The following NDST4 variants were observed in gnomAD, a reference collection of about 807,000 sequenced individuals.
NDST4 encodes N-deacetylase and N-sulfotransferase 4.
NDST4 carries 63 observed loss-of-function variants against 100.8 expected under a neutral mutation model. The observed-to-expected ratio is 0.62, with a 90% CI of 0.51 to 0.77. The LOEUF (loss-of-function observed/expected upper bound fraction) is 0.77, where lower values mean the gene tolerates loss of function less well. Ranked by LOEUF, NDST4 falls within the 30% of genes least tolerant of loss-of-function variation. The pLI is 0.00. For missense variants in NDST4, 943 were observed against 1,018.4 expected, an observed-to-expected ratio of 0.93 and a Z score of 1.01; for synonymous variants, 377 against 361.8, an observed-to-expected ratio of 1.04 and a Z score of -0.48.
chr4:114,994,848 TTAAC>T (rs1727125508), intron 2 of NDST4, among the ~76,000 whole-genome samples: 1 of 152,012 alleles, frequency 6.6e-6, no homozygotes, highest in African/African-American at 2.4e-5. Context: ...CTATTTATGA[TTAAC>T]TAACCAGAAA....
rs974262991 is a variant in NDST4, at chr4:114,969,179, T to C, written c.1221+1251A>G. 1.2e-4 allele frequency among the ~76,000 whole-genome samples: 18 copies of C among 151,220 alleles called. 1 individual carries two copies. In the South Asian group the frequency reaches 1.9e-3, roughly 16 times the overall value. The stretch of plus-strand genomic sequence containing the variant: ...ATACAAAAAAATTAGCCGGGCGTAG[T>C]GGCGGGCGCCTGTAGTCCCAGCTAC... On this transcript the variant is annotated intron_variant, in intron 4 of 13. Transcript: ENST00000264363.
chr4:115,056,055 T>C (rs1394920772), intron 2 of NDST4, among the ~76,000 whole-genome samples: 1 of 152,120 alleles, frequency 6.6e-6, no homozygotes, highest in Non-Finnish European at 1.5e-5. Flanking sequence ...GCATTATGAT[T>C]ATATTACACT....
intron 6 of NDST4, among the ~76,000 whole-genome samples, chr4:114,871,843 C>A (rs1290324542): frequency 6.6e-6 from 1 of 151,756 alleles, no homozygotes; most frequent in African/African-American, 2.4e-5. Flanking sequence ...CTGTATTGAT[C>A]TGTATTGTAA....
At position 115,064,886 on chromosome 4, in the gene NDST4, C is replaced by T. The variant is rs151206840; in HGVS notation, c.978+11173G>A. ...AATGTACACTGCCAACCCAATGGGGCCAGAAAATCTACATTTATTGTTTCA... is the reference window on the plus strand; with the variant it reads ...AATGTACACTGCCAACCCAATGGGGTCAGAAAATCTACATTTATTGTTTCA... On this transcript the variant is annotated intron_variant, in intron 2 of 13. Transcript: ENST00000264363. Among the ~76,000 whole-genome samples, 565 of 151,566 alleles carry T rather than the reference C, an allele frequency of 3.7e-3. 3 individuals carry two copies. Among genetic ancestry groups the T allele is most frequent in the South Asian group, 4.6e-3 (22 of 4,816 alleles).
chr4:115,110,250 T>C (rs1308092902), intron 1 of NDST4, among the ~76,000 whole-genome samples: 2 of 151,936 alleles, frequency 1.3e-5, no homozygotes, highest in African/African-American at 4.8e-5. Flanking sequence ...AAAATAACTT[T>C]TAAAAATAGG....
At chr4:115,027,298 AT>A (rs1333650965) in intron 2 of NDST4, among the ~76,000 whole-genome samples, 1 of 152,128 alleles carries the variant, frequency 6.6e-6, no homozygotes, top group African/African-American at 2.4e-5. Context: ...GGAAGACAGA[AT>A]TTGGCTCTCA....
At chr4:114,946,525 G>A (rs1050721212) in intron 4 of NDST4, among the ~76,000 whole-genome samples, 11 of 152,246 alleles carry the variant, frequency 7.2e-5, no homozygotes, top group Middle Eastern at 3.4e-3. Context: ...AAGTTGTGAC[G>A]GATTGAGCTA....
chr4:115,045,834 G>A (rs1442247918), intron 2 of NDST4, among the ~76,000 whole-genome samples: 1 of 152,134 alleles, frequency 6.6e-6, no homozygotes, highest in Non-Finnish European at 1.5e-5. Context: ...GAAGAAATAT[G>A]GGAGAATTGC....
intron 4 of NDST4, among the ~76,000 whole-genome samples, chr4:114,959,537 C>CAGA (rs1366103751): frequency 1.3e-5 from 2 of 152,072 alleles, no homozygotes; most frequent in Non-Finnish European, 2.9e-5. Flanking sequence ...TGGAGAACAG[C>CAGA]ATAAGAAAAA....
chr4:115,009,283 T>C lies in NDST4; in HGVS notation c.979-32009A>G, dbSNP rs1483299670. Among the ~76,000 whole-genome samples the C allele has an allele frequency of 1.5e-5, 2 of 129,312 alleles. 1 individual carries two copies. Among genetic ancestry groups the C allele is most frequent in the Admixed American group, 1.6e-4 (2 of 12,734 alleles). The allele number at this position is 129,312 out of a possible 152,430, so 84.8% of individuals were successfully genotyped here. A position where few individuals can be genotyped will look rare whatever the true frequency, so the allele number is the denominator to read the frequency against. ...GGCATCACGCTACCTAACTTCATAC[T>C]ATACTACAAGGCTACAGTAACCAAA... On this transcript the variant is annotated intron_variant, in intron 2 of 13. Coordinates refer to ENST00000264363, the MANE Select transcript of NDST4 (RefSeq NM_022569.3).
At chr4:115,092,692 A>T (rs1281063456) in intron 1 of NDST4, among the ~76,000 whole-genome samples, 1 of 152,166 alleles carries the variant, frequency 6.6e-6, no homozygotes, top group Non-Finnish European at 1.5e-5. Flanking sequence ...TGTAGTTTCT[A>T]GTGAAACCAA....
intron 2 of NDST4, among the ~76,000 whole-genome samples, chr4:115,043,088 G>A (rs1318823369): frequency 6.6e-6 from 1 of 151,894 alleles, no homozygotes; most frequent in Non-Finnish European, 1.5e-5. Flanking sequence ...ATGAAAAACA[G>A]TCTACTCTCA....
At chr4:115,022,560 T>C (rs1237995733) in intron 2 of NDST4, among the ~76,000 whole-genome samples, 1 of 149,354 alleles carries the variant, frequency 6.7e-6, no homozygotes, top group Non-Finnish European at 1.5e-5. Context: ...AATGAATGAA[T>C]TAATGGCATT....
At chr4:114,975,736 G>A (rs934365270) in intron 3 of NDST4, among the ~76,000 whole-genome samples, 3 of 152,044 alleles carry the variant, frequency 2.0e-5, no homozygotes, top group Non-Finnish European at 4.4e-5. Flanking sequence ...AGACAAAATA[G>A]TATTGTTTGT....
chr4:115,057,717 CACACACACACACACACAG>C (rs1321779301), intron 2 of NDST4, among the ~76,000 whole-genome samples: 11 of 116,178 alleles, frequency 9.5e-5, no homozygotes, highest in African/African-American at 4.4e-4. Flanking sequence ...CACACACACA[CACACACACACACACACAG>C]ACACACACAC....
chr4:115,006,044 A>AAT lies in NDST4; in HGVS notation c.979-28771_979-28770insAT, dbSNP rs1252526230. 1.3e-4 allele frequency among the ~76,000 whole-genome samples: 19 copies of AAT among 151,268 alleles called. 1 individual carries two copies. Among genetic ancestry groups the AAT allele is most frequent in the African/African-American group, 4.4e-4 (18 of 41,352 alleles). ...GAGACTCTATCTCAAAAAAAAAAAA[A>AAT]AAAAAGAAGAAGAAGAAGGAGAGAT... On this transcript the variant is annotated intron_variant, in intron 2 of 13. Transcript: ENST00000264363.
chr4:114,938,431 A>G (rs931896490), intron 4 of NDST4, among the ~76,000 whole-genome samples: 2 of 152,262 alleles, frequency 1.3e-5, no homozygotes, highest in African/African-American at 4.8e-5. Flanking sequence ...CTAGGTACAT[A>G]AAATAGATCT....
intron 2 of NDST4, among the ~76,000 whole-genome samples, chr4:115,012,758 A>G (rs1271638391): frequency 3.3e-5 from 5 of 151,978 alleles, no homozygotes; most frequent in Non-Finnish European, 5.9e-5. Context: ...TTGCAACATT[A>G]TTCATAATAG....
intron 10 of NDST4, 111 bp from the exon 11 acceptor site, chr4:114,839,659 T>A (rs1477148614): frequency 1.2e-6 from 1 of 804,644 alleles, no homozygotes; most frequent in Admixed American, 2.5e-5. Flanking sequence ...TATGTATAAA[T>A]GTGTGTGTCC....
Sources: allele counts gnomAD v4.1 joint callset (sites outside exome capture counted in the v4.1 genomes callset), GRCh38; gene constraint gnomAD v4.1.1; transcripts MANE v1.5; gene names NCBI Gene and HGNC (gene_info 2026-07-23, HGNC 2026-07-21).